The following DDX6 variants were observed in gnomAD, a reference collection of about 807,000 sequenced individuals.
DDX6 encodes DEAD-box helicase 6.
Under a neutral mutation model 60.6 loss-of-function variants are expected in DDX6, and 7 were observed. That is an observed-to-expected ratio of 0.12 (90% CI 0.07 to 0.22). The LOEUF is 0.22. Among genes scored for constraint, DDX6 ranks in the 10% least tolerant of loss-of-function variants. The probability of loss-of-function intolerance (pLI) is 1.00; values close to 1 mark genes in which losing one functional copy is unlikely to be tolerated. For synonymous variants in DDX6, 207 were observed against 201.0 expected (o/e 1.03, Z -0.25); for missense variants, 270 against 589.9 (o/e 0.46, Z 5.62).
chr11:118,769,133 AT>A (rs1861451857), intron 4 of DDX6, among the ~76,000 whole-genome samples: 1 of 152,118 alleles, frequency 6.6e-6, no homozygotes, highest in African/African-American at 2.4e-5. Context: ...CTCTACAAAA[AT>A]TTTTAAAGGA....
intron 11 of DDX6, among the ~76,000 whole-genome samples, 167 bp downstream of exon 11, chr11:118,756,093 C>G (rs1860967286): frequency 7.3e-6 from 1 of 136,440 alleles, no homozygotes; most frequent in South Asian, 2.3e-4. Flanking sequence ...AGATATGGAA[C>G]CCAGTATCAG....
chr11:118,780,989 T>C, intron 3 of DDX6, 132 bp downstream of exon 3: 2 of 592,740 alleles, frequency 3.4e-6, no homozygotes. Flanking sequence ...ATATCTATCT[T>C]ACTGGGTTGG....
Position 118,749,358 on chromosome 11 carries a change from GAAAAAA to G in DDX6, c.*2741_*2746del, listed in dbSNP as rs386375042. The stretch of plus-strand genomic sequence containing the variant: ...TTATTATGAGGGCCCAAAAAAGAAA[GAAAAAA>G]AAAAAAAAAAAAAAAAAGACCAGGC... On this transcript the variant is annotated 3_prime_UTR_variant, in exon 14 of 14. Transcript: ENST00000534980. The G allele has an allele frequency of 3.9e-3, 360 of 91,794 alleles. No homozygotes were observed. Among genetic ancestry groups the G allele is most frequent in the African/African-American group, 0.012 (281 of 23,782 alleles). 5.7% of individuals were successfully genotyped at this position (91,794 alleles called of 1,614,324 possible).
At chr11:118,758,637 T>C (rs1448080046) in intron 9 of DDX6, 137 bp downstream of exon 9, 2 of 995,640 alleles carry the variant, frequency 2.0e-6, no homozygotes, top group Non-Finnish European at 2.9e-6. Context: ...TCCAAAGTGC[T>C]GGGAGGCATG....
chr11:118,759,146 A>C (rs1591889493), intron 8 of DDX6: 1 of 329,418 alleles, frequency 3.0e-6, no homozygotes, highest in Non-Finnish European at 5.6e-6. Flanking sequence ...TGCAACCTCC[A>C]CCTCCCGGGT....
At chr11:118,754,527 G>C in intron 13 of DDX6, 178 bp downstream of exon 13, 1 of 502,670 alleles carries the variant, frequency 2.0e-6, no homozygotes, top group Non-Finnish European at 3.4e-6. Flanking sequence ...AACATTTACA[G>C]ATTCTCGAAT....
chr11:118,751,131 C>T lies in DDX6; in HGVS notation c.*974G>A, dbSNP rs1399755825. 6.6e-6 allele frequency: 1 copy of T among 150,518 alleles called. No individual in the cohort carries two copies. Among genetic ancestry groups the T allele is most frequent in the Non-Finnish European group, 1.5e-5 (1 of 67,700 alleles). 9.3% of individuals were successfully genotyped at this position (150,518 alleles called of 1,614,324 possible). On this transcript the variant is annotated 3_prime_UTR_variant, in exon 14 of 14. Transcript: ENST00000534980. ...ATTTACAAAGTTATACAAGTATACA[C>T]ACCCAATTTTCTATGGGACACGCTT...
chr11:118,775,264 C>T (rs1341548317), intron 4 of DDX6, among the ~76,000 whole-genome samples: 8 of 152,040 alleles, frequency 5.3e-5, no homozygotes, highest in African/African-American at 1.7e-4. Context: ...TGCAGTAAGC[C>T]GAGAGCACAC....
At chr11:118,770,897 A>G (rs11217022) in intron 4 of DDX6, among the ~76,000 whole-genome samples, 33,400 of 150,798 alleles carry the variant, frequency 0.22, 3,861 homozygotes, top group South Asian at 0.31. Flanking sequence ...AAAAAAAAAA[A>G]AGAGAGAGAA....
chr11:118,782,645 CTTT>C (rs35854068), intron 2 of DDX6, among the ~76,000 whole-genome samples: 2 of 143,716 alleles, frequency 1.4e-5, no homozygotes, highest in Non-Finnish European at 3.0e-5. Context: ...GTACTAAAGC[CTTT>C]TTTTTTTTTT....
Position 118,749,058 on chromosome 11 carries a change from A to T in DDX6, c.*3047T>A, listed in dbSNP as rs1342442865. 6.6e-6 allele frequency: 1 copy of T among 152,184 alleles called. No individual in the cohort carries two copies. The highest frequency in any genetic ancestry group is 2.4e-5 in the African/African-American group (1 of 41,446). 9.4% of individuals were successfully genotyped at this position (152,184 alleles called of 1,614,324 possible). A position where few individuals can be genotyped will look rare whatever the true frequency, so the allele number is the denominator to read the frequency against. On this transcript the variant is annotated 3_prime_UTR_variant, in exon 14 of 14. Transcript: ENST00000534980. ...GATCATTTTAGAATAAATGTATTCC[A>T]TTCCTATGGGAGAGGCAAAACAGTA...
At chr11:118,782,159 G>C (rs182754620) in intron 2 of DDX6, among the ~76,000 whole-genome samples, 1 of 152,182 alleles carries the variant, frequency 6.6e-6, no homozygotes, top group Non-Finnish European at 1.5e-5. Context: ...TCCTGCGCCA[G>C]AGCAAGGCTC....
intron 2 of DDX6, among the ~76,000 whole-genome samples, chr11:118,782,213 TCAAA>T (rs1480347621): frequency 2.0e-5 from 3 of 152,112 alleles, no homozygotes; most frequent in Admixed American, 6.5e-5. Flanking sequence ...AACAGTTACA[TCAAA>T]CAATTGATAT....
In DDX6 at chr11:118,758,688, A is replaced by T. The variant is rs1861062119; in HGVS notation, c.993+86T>A. The T allele has an allele frequency of 2.0e-6, 3 of 1,520,470 alleles. No homozygotes were observed. The African/African-American group carries it at 4.1e-5, about 21-fold the overall frequency. 94.2% of individuals were successfully genotyped at this position (1,520,470 alleles called of 1,614,324 possible). ...CCAGAAACACTACGAACTTTTATAC[A>T]GTGAAGACGGTGGGAAAATTGATGA... On this transcript the variant is annotated intron_variant, in intron 9 of 13. Transcript: ENST00000534980.
In DDX6 at chr11:118,747,828, G is replaced by T. The variant is rs183447257; in HGVS notation, c.*4277C>A. ...AAACCAAGATTTTACCATATTTTTG[G>T]AACCTTATAAACTCAGCAGACTCCG... On this transcript the variant is annotated 3_prime_UTR_variant, in exon 14 of 14. Coordinates refer to ENST00000534980, the MANE Select transcript of DDX6 (RefSeq NM_004397.6). 1.3e-5 allele frequency: 2 copies of T among 150,498 alleles called. No homozygotes were observed. The highest frequency in any genetic ancestry group is 1.3e-4 in the Admixed American group (2 of 15,140). 9.3% of individuals were successfully genotyped at this position (150,498 alleles called of 1,614,324 possible).
intron 2 of DDX6, chr11:118,785,832 G>C (rs557307302): frequency 8.4e-5 from 34 of 405,036 alleles, no homozygotes; most frequent in Middle Eastern, 6.2e-4. Context: ...TACAAAATTT[G>C]TGTGTATCAT....
At chr11:118,756,012 C>A (rs1257491025) in intron 11 of DDX6, among the ~76,000 whole-genome samples, 6 of 41,016 alleles carry the variant, frequency 1.5e-4, no homozygotes, top group Admixed American at 3.2e-4. Context: ...AGATTCCATC[C>A]CCCTCCCCCC....
At chr11:118,763,150 G>A in intron 7 of DDX6, 62 bp downstream of exon 7, 1 of 1,089,468 alleles carries the variant, frequency 9.2e-7, no homozygotes, top group Middle Eastern at 2.1e-4. Context: ...TCATTCACTG[G>A]CAGTTATAAG....
Position 118,780,071 on chromosome 11 carries a change from G to C in DDX6, c.265-335C>G, listed in dbSNP as rs560631211. On this transcript the variant is annotated intron_variant, in intron 3 of 13. Transcript: ENST00000534980. ...ACGGAGGTTGCAGTGAGGTGAGATC[G>C]CACTCACTGCACAGCCTGGGGGGAC... Among the ~76,000 whole-genome samples, 8 of 113,688 alleles carry C rather than the reference G, an allele frequency of 7.0e-5. No individual in the cohort carries two copies. The East Asian group carries it at 2.5e-3, about 36-fold the overall frequency. 74.6% of individuals were successfully genotyped at this position (113,688 alleles called of 152,430 possible).
Sources: gnomAD v4.1 joint callset for allele counts (sites outside exome capture counted in the v4.1 genomes callset) on GRCh38, gnomAD v4.1.1 for gene constraint, MANE v1.5 for transcripts, NCBI Gene and HGNC (gene_info 2026-07-23, HGNC 2026-07-21) for gene names.